The following ARHGAP26 variants were observed in gnomAD, a reference collection of about 807,000 sequenced individuals.
The protein encoded by ARHGAP26 is Rho GTPase activating protein 26.
A neutral mutation model predicts 104.8 loss-of-function variants in ARHGAP26; 38 were observed. That is an observed-to-expected ratio of 0.36 (90% CI 0.28 to 0.48). ARHGAP26 has a LOEUF of 0.48. Ranked by LOEUF, ARHGAP26 falls within the 20% of genes least tolerant of loss-of-function variation. ARHGAP26 has a pLI of 0.99. For synonymous variants in ARHGAP26, 341 were observed against 340.0 expected (o/e 1.00, Z -0.03); for missense variants, 704 against 947.9 (o/e 0.74, Z 3.38).
intron 11 of ARHGAP26, among the ~76,000 whole-genome samples, chr5:142,972,677 A>AT (rs1772459430): frequency 6.6e-6 from 1 of 152,148 alleles, no homozygotes. Context: ...CTGTAATCTC[A>AT]TTTAGCAGAA....
Position 143,106,270 on chromosome 5 carries a change from G to A in ARHGAP26, c.1539-14718G>A, listed in dbSNP as rs576048966. On this transcript the variant is annotated intron_variant, in intron 17 of 22. Transcript: ENST00000645722. The stretch of plus-strand genomic sequence containing the variant: ...TAGTGACATGTTTTTGGGAGGAGCT[G>A]CTTCCTAAATGGGTTGAGGCTGCAG... Among the ~76,000 whole-genome samples the A allele has an allele frequency of 7.9e-5, 12 of 152,188 alleles. No individual in the cohort carries two copies. In the South Asian group the frequency reaches 2.3e-3, roughly 29 times the overall value.
intron 10 of ARHGAP26, among the ~76,000 whole-genome samples, chr5:142,930,440 G>C (rs1036901102): frequency 1.3e-5 from 2 of 152,172 alleles, no homozygotes; most frequent in Non-Finnish European, 2.9e-5. Flanking sequence ...TGCTCATGGA[G>C]AGAAGAGTTA....
At chr5:143,147,501 C>T in intron 20 of ARHGAP26, 120 bp downstream of exon 20, 1 of 1,192,884 alleles carries the variant, frequency 8.4e-7, no homozygotes, top group Non-Finnish European at 1.2e-6. Flanking sequence ...TTTAAACCTC[C>T]TCCCTAAACT....
chr5:143,092,170 G>GTT (rs70991792), intron 17 of ARHGAP26, among the ~76,000 whole-genome samples: 2,100 of 131,116 alleles, frequency 0.016, 57 homozygotes, highest in African/African-American at 0.036. Flanking sequence ...TTTTTTTTTT[G>GTT]TTTTTTTTTT....
At chr5:143,078,945 A>G (rs955655825) in intron 17 of ARHGAP26, among the ~76,000 whole-genome samples, 3 of 152,254 alleles carry the variant, frequency 2.0e-5, no homozygotes, top group Non-Finnish European at 4.4e-5. Context: ...ACTTCCAGAC[A>G]TGCACCTGAT....
chr5:142,799,661 A>T (rs2151953085), intron 1 of ARHGAP26, among the ~76,000 whole-genome samples: 1 of 152,358 alleles, frequency 6.6e-6, no homozygotes, highest in Admixed American at 6.5e-5. Context: ...AGGGCCCAGC[A>T]TCTGGTGAGG....
rs572055990 is a variant in ARHGAP26, at chr5:142,920,272, C to T, written c.1028+6979C>T. 1.3e-5 allele frequency among the ~76,000 whole-genome samples: 2 copies of T among 152,294 alleles called. 1 individual carries two copies. The highest frequency in any genetic ancestry group is 4.1e-4 in the South Asian group (2 of 4,828). ...GGTAGTACTTGCTTATGTCTGTGTT[C>T]TGTCACTTTGAATAATTCACTCCGT... On this transcript the variant is annotated intron_variant, in intron 10 of 22. Transcript: ENST00000645722.
chr5:142,940,766 A>G lies in ARHGAP26; in HGVS notation c.1107+8641A>G, dbSNP rs574947471. 1.0e-3 allele frequency among the ~76,000 whole-genome samples: 156 copies of G among 152,226 alleles called. 1 individual carries two copies. Among genetic ancestry groups the G allele is most frequent in the African/African-American group, 3.6e-3 (151 of 41,540 alleles). On this transcript the variant is annotated intron_variant, in intron 11 of 22. Transcript: ENST00000645722. ...GAATAGTGCTGCAGTGAACATATGC[A>G]TGTATATGTCTTTATGGTTAAAGAA...
At chr5:143,010,056 C>T (rs987823687) in intron 11 of ARHGAP26, among the ~76,000 whole-genome samples, 1 of 152,176 alleles carries the variant, frequency 6.6e-6, no homozygotes, top group African/African-American at 2.4e-5. Flanking sequence ...ATTGCTCTTG[C>T]CTCTGAACCT....
At chr5:143,221,754 C>G (rs1489535884) in intron 22 of ARHGAP26, among the ~76,000 whole-genome samples, 2 of 152,154 alleles carry the variant, frequency 1.3e-5, no homozygotes, top group Non-Finnish European at 1.5e-5. Flanking sequence ...AACTCCTGGG[C>G]TAAAGCAATT....
chr5:142,895,263 C>T (rs891664392), intron 6 of ARHGAP26, among the ~76,000 whole-genome samples: 3 of 151,970 alleles, frequency 2.0e-5, no homozygotes, highest in African/African-American at 4.8e-5. Context: ...CAGCTTCTCG[C>T]TCTGTCACCC....
At chr5:143,158,427 T>C (rs1463217717) in intron 20 of ARHGAP26, among the ~76,000 whole-genome samples, 1 of 152,162 alleles carries the variant, frequency 6.6e-6, no homozygotes, top group Admixed American at 6.5e-5. Flanking sequence ...TGGAGCCAAC[T>C]GGAAACTACG....
intron 7 of ARHGAP26, among the ~76,000 whole-genome samples, chr5:142,902,704 G>C (rs1465773293): frequency 1.3e-5 from 2 of 152,208 alleles, no homozygotes; most frequent in African/African-American, 2.4e-5. Context: ...TGTACTGCAT[G>C]GGTTTTAGAA....
rs1272056200 is a variant in ARHGAP26, at chr5:143,225,953, A to C, written c.*3507A>C. ...GACTAAAGATTTTACTCTCTCCCCT[A>C]TCCATGCCCCCTACCTCTGACTCTC... is the stretch of plus-strand genomic sequence containing the variant. On this transcript the variant is annotated 3_prime_UTR_variant, in exon 23 of 23. Transcript: ENST00000645722. 1.8e-5 allele frequency: 4 copies of C among 217,446 alleles called. No homozygotes were observed. Among genetic ancestry groups the C allele is most frequent in the African/African-American group, 9.0e-5 (4 of 44,384 alleles). 13.5% of individuals were successfully genotyped at this position (217,446 alleles called of 1,614,324 possible).
At chr5:142,830,673 T>G (rs2152116557) in intron 1 of ARHGAP26, among the ~76,000 whole-genome samples, 1 of 152,316 alleles carries the variant, frequency 6.6e-6, no homozygotes, top group East Asian at 1.9e-4. Context: ...TAGCATGGTT[T>G]TGTATTTTTT....
intron 11 of ARHGAP26, among the ~76,000 whole-genome samples, chr5:142,964,480 G>A (rs1770924756): frequency 6.6e-6 from 1 of 151,966 alleles, no homozygotes; most frequent in African/African-American, 2.4e-5. Flanking sequence ...ATATTGTTAA[G>A]TTCTAGCTAG....
intron 12 of ARHGAP26, among the ~76,000 whole-genome samples, chr5:143,023,170 C>T (rs2152839693): frequency 6.6e-6 from 1 of 152,374 alleles, no homozygotes; most frequent in South Asian, 2.1e-4. Flanking sequence ...TGTTTCTGTA[C>T]ATCCACTCAT....
chr5:143,025,642 G>T (rs961286696), intron 12 of ARHGAP26, among the ~76,000 whole-genome samples: 1 of 152,182 alleles, frequency 6.6e-6, no homozygotes. Flanking sequence ...ATTAAGCCTT[G>T]CTCTTTTGCT....
chr5:142,828,431 G>A (rs188447646), intron 1 of ARHGAP26, among the ~76,000 whole-genome samples: 1 of 152,220 alleles, frequency 6.6e-6, no homozygotes, highest in Non-Finnish European at 1.5e-5. Context: ...CAACATGTAG[G>A]TGGTAAACTA....
Sources: allele counts gnomAD v4.1 joint callset (sites outside exome capture counted in the v4.1 genomes callset), GRCh38; gene constraint gnomAD v4.1.1; transcripts MANE v1.5; gene names NCBI Gene and HGNC (gene_info 2026-07-23, HGNC 2026-07-21).